KIT: variants seen among roughly 807,000 people sequenced by gnomAD.
The protein encoded by KIT is KIT proto-oncogene, receptor tyrosine kinase.
Under a neutral mutation model 105.7 loss-of-function variants are expected in KIT, and 16 were observed. The observed-to-expected ratio is 0.15, with a 90% CI of 0.10 to 0.23. KIT has a LOEUF of 0.23. Among genes scored for constraint, KIT ranks in the 10% least tolerant of loss-of-function variants. The probability of loss-of-function intolerance (pLI) is 1.00; values close to 1 mark genes in which losing one functional copy is unlikely to be tolerated. For synonymous variants in KIT, 438 were observed against 441.1 expected (o/e 0.99, Z 0.09); for missense variants, 858 against 1,213.8 (o/e 0.71, Z 4.36).
chr4:54,711,876 C>G (rs1721183084), intron 7 of KIT, among the ~76,000 whole-genome samples: 2 of 148,796 alleles, frequency 1.3e-5, no homozygotes, highest in African/African-American at 2.5e-5. Context: ...TTGCAGTGAG[C>G]TGAGATCTCA....
At chr4:54,688,300 A>G (rs183777411) in intron 1 of KIT, among the ~76,000 whole-genome samples, 54 of 152,332 alleles carry the variant, frequency 3.5e-4, no homozygotes, top group African/African-American at 1.3e-3. Flanking sequence ...AGTATAATAT[A>G]CAAATCATTA....
At chr4:54,658,230 C>T in intron 1 of KIT, 149 bp downstream of exon 1, 2 of 792,214 alleles carry the variant, frequency 2.5e-6, no homozygotes, top group South Asian at 3.0e-5. Flanking sequence ...TCCAGGTGGC[C>T]CTCGGACTCT....
chr4:54,722,683 T>G (rs1721950045), intron 7 of KIT, among the ~76,000 whole-genome samples: 1 of 152,030 alleles, frequency 6.6e-6, no homozygotes, highest in South Asian at 2.1e-4. Context: ...TAAGTGCATC[T>G]TCCTTTCACT....
intron 17 of KIT, among the ~76,000 whole-genome samples, chr4:54,734,798 CT>C (rs1722822376): frequency 6.6e-6 from 1 of 152,128 alleles, no homozygotes; most frequent in Admixed American, 6.6e-5. Flanking sequence ...CTTTTAGAGC[CT>C]GGTAAAGCCT....
chr4:54,720,938 A>G (rs1248642098), intron 7 of KIT, among the ~76,000 whole-genome samples: 1 of 152,192 alleles, frequency 6.6e-6, no homozygotes, highest in Admixed American at 6.5e-5. Context: ...AAATAATAGA[A>G]ATAGTGCCGT....
intron 7 of KIT, among the ~76,000 whole-genome samples, chr4:54,717,462 C>G (rs983969803): frequency 6.6e-6 from 1 of 152,070 alleles, no homozygotes; most frequent in Non-Finnish European, 1.5e-5. Flanking sequence ...TGTGGTTTGG[C>G]CATTTTTTTA....
intron 1 of KIT, among the ~76,000 whole-genome samples, chr4:54,692,069 G>A (rs1027109953): frequency 2.6e-5 from 4 of 152,142 alleles, no homozygotes; most frequent in Admixed American, 6.5e-5. Context: ...AGTTCTAAGA[G>A]CTTTACATAA....
chr4:54,686,123 C>T (rs1719296784), intron 1 of KIT, among the ~76,000 whole-genome samples: 1 of 152,160 alleles, frequency 6.6e-6, no homozygotes, highest in African/African-American at 2.4e-5. Flanking sequence ...ATTACTGACA[C>T]TCTAGCTTTA....
At chr4:54,737,687 T>G (rs932716203) in intron 20 of KIT, among the ~76,000 whole-genome samples, 3 of 152,206 alleles carry the variant, frequency 2.0e-5, no homozygotes, top group African/African-American at 7.2e-5. Flanking sequence ...AGCTTGTTAC[T>G]GCAGTGAAAT....
chr4:54,666,724 ATGGCCCTT>A (rs1458706798), intron 1 of KIT, among the ~76,000 whole-genome samples: 4 of 152,228 alleles, frequency 2.6e-5, no homozygotes, highest in Admixed American at 1.3e-4. Context: ...AGTTGGTTTG[ATGGCCCTT>A]TAAGGGCCTG....
chr4:54,735,061 A>G (rs1295777387), intron 17 of KIT, among the ~76,000 whole-genome samples: 1 of 152,220 alleles, frequency 6.6e-6, no homozygotes, highest in African/African-American at 2.4e-5. Flanking sequence ...TGAGATACCT[A>G]TAAAGACTTA....
At chr4:54,696,275 TG>T (rs1241179758) in intron 2 of KIT, among the ~76,000 whole-genome samples, 1 of 152,188 alleles carries the variant, frequency 6.6e-6, no homozygotes, top group Non-Finnish European at 1.5e-5. Context: ...TTTGTAGAGT[TG>T]TCCATAGAAA....
At chr4:54,734,151 C>T (rs1468295019) in intron 17 of KIT, among the ~76,000 whole-genome samples, 2 of 152,176 alleles carry the variant, frequency 1.3e-5, no homozygotes, top group South Asian at 2.1e-4. Flanking sequence ...AAAACAACTT[C>T]TCTTCATCCT....
chr4:54,689,125 CTAA>C (rs1193446844), intron 1 of KIT, among the ~76,000 whole-genome samples: 2 of 152,214 alleles, frequency 1.3e-5, no homozygotes, highest in Admixed American at 6.5e-5. Context: ...CTCCGATCTG[CTAA>C]TGTTTGCCCA....
rs557260029 is a variant in KIT, at chr4:54,725,719, C to T, written c.1347-138C>T. ...TCACTAGGTCACCAAAGTGCTTATT[C>T]TTAGACACTTGTAAAAGGACATTTT... On this transcript the variant is annotated intron_variant, in intron 8 of 20. Transcript: ENST00000288135. 1.1e-5 allele frequency: 9 copies of T among 853,448 alleles called. No individual in the cohort carries two copies. In the African/African-American group the frequency reaches 1.5e-4, roughly 14 times the overall value. 52.9% of individuals were successfully genotyped at this position (853,448 alleles called of 1,614,324 possible). A position where few individuals can be genotyped will look rare whatever the true frequency, so the allele number is the denominator to read the frequency against.
At chr4:54,691,627 G>A (rs532462184) in intron 1 of KIT, among the ~76,000 whole-genome samples, 1 of 152,276 alleles carries the variant, frequency 6.6e-6, no homozygotes, top group South Asian at 2.1e-4. Context: ...AGTTGTAAGA[G>A]CTGCTACTGT....
intron 7 of KIT, among the ~76,000 whole-genome samples, chr4:54,722,170 G>C (rs1473113297): frequency 1.9e-4 from 29 of 152,094 alleles, no homozygotes; most frequent in Admixed American, 1.9e-3. Flanking sequence ...GTTTTTAGTA[G>C]AGATGCGGTT....
intron 1 of KIT, among the ~76,000 whole-genome samples, chr4:54,678,575 A>C (rs1482101829): frequency 6.6e-6 from 1 of 152,100 alleles, no homozygotes; most frequent in East Asian, 1.9e-4. Context: ...AAGTTTGTAG[A>C]GGTCAAATGA....
chr4:54,661,486 G>A (rs375899314), intron 1 of KIT, among the ~76,000 whole-genome samples: 129 of 152,318 alleles, frequency 8.5e-4, no homozygotes, highest in South Asian at 3.1e-3. Flanking sequence ...TGTCTCTAGC[G>A]GAATTCTCAG....
Sources: gnomAD v4.1 joint callset for allele counts (sites outside exome capture counted in the v4.1 genomes callset) on GRCh38, gnomAD v4.1.1 for gene constraint, MANE v1.5 for transcripts, NCBI Gene and HGNC (gene_info 2026-07-23, HGNC 2026-07-21) for gene names.